CCDC88A: variants seen among roughly 807,000 people sequenced by gnomAD.
CCDC88A encodes the protein coiled-coil and HOOK domain protein 88A, also known as girdin.
A neutral mutation model predicts 234.3 loss-of-function variants in CCDC88A; 54 were observed. The ratio of observed to expected loss-of-function variants is 0.23; its 90% CI spans 0.19 to 0.29. CCDC88A has a LOEUF of 0.29. Ranked by LOEUF, CCDC88A falls within the 10% of genes least tolerant of loss-of-function variation. The probability of loss-of-function intolerance (pLI) is 1.00; values close to 1 mark genes in which losing one functional copy is unlikely to be tolerated. For missense variants in CCDC88A, 1,832 were observed against 2,123.4 expected (o/e 0.86, Z 2.70); for synonymous variants, 753 against 737.8 (o/e 1.02, Z -0.33).
chr2:55,384,817 T>C (rs904867207), intron 3 of CCDC88A, among the ~76,000 whole-genome samples: 9 of 151,544 alleles, frequency 5.9e-5, no homozygotes, highest in Non-Finnish European at 1.3e-4. Context: ...CCACCACACC[T>C]GGCTAATTTT....
rs148595160 is a variant in CCDC88A at position 55,373,249 on chromosome 2, C to T, written c.344-739G>A. Reference sequence around the variant, plus strand: ...TTCCTTCTACTCTCCATGAAACAACCTACTTTCTAGCTATGCTGAGCCATT... The same window carrying T: ...TTCCTTCTACTCTCCATGAAACAACTTACTTTCTAGCTATGCTGAGCCATT... On this transcript the variant is annotated intron_variant, in intron 4 of 32. Transcript: ENST00000436346. Among the ~76,000 whole-genome samples the T allele has an allele frequency of 1.8e-3, 276 of 152,232 alleles. 2 individuals carry two copies. The highest frequency in any genetic ancestry group is 6.3e-3 in the African/African-American group (261 of 41,546).
rs745331016 is a variant in CCDC88A at position 55,322,701 on chromosome 2, T to G, written c.2998-9A>C. 1 of 1,433,896 alleles carries G rather than the reference T, an allele frequency of 7.0e-7. No homozygotes were observed. Among genetic ancestry groups the G allele is most frequent in the South Asian group, 1.4e-5 (1 of 70,342 alleles). 88.8% of individuals were successfully genotyped at this position (1,433,896 alleles called of 1,614,324 possible). On this transcript the variant is annotated splice_polypyrimidine_tract_variant and intron_variant, in intron 17 of 32. Transcript: ENST00000436346. ...TCATAATTTTTTTTCACCTAAAATT[T>G]TATTTAAAATATTTTAATGGGGAGA...
chr2:55,385,021 G>A (rs914340076), intron 3 of CCDC88A, among the ~76,000 whole-genome samples: 4 of 152,092 alleles, frequency 2.6e-5, no homozygotes, highest in Non-Finnish European at 5.9e-5. Flanking sequence ...CTGCTCTGAA[G>A]CAATGCATCC....
In CCDC88A at chr2:55,334,878, A is replaced by AT; in HGVS notation, c.1942dup (p.Ile648AsnfsTer3). ...TTCACAAGTAATTTTTAAATTAGTT[A>AT]TTTTTTTCTGTAATAATTCATTTTC... On this transcript the variant is annotated frameshift_variant, in exon 15 of 33. Transcript: ENST00000436346. LOFTEE classifies it high-confidence loss of function. The surrounding 1 kb of genome is among the most constrained non-coding windows in gnomAD (Gnocchi z 6.1). 6.6e-7 allele frequency: 1 copy of AT among 1,515,830 alleles called. No homozygotes were observed. Among genetic ancestry groups the AT allele is most frequent in the Non-Finnish European group, 9.0e-7 (1 of 1,116,730 alleles). The allele number at this position is 1,515,830 out of a possible 1,614,324, so 93.9% of individuals were successfully genotyped here. A position where few individuals can be genotyped will look rare whatever the true frequency, so the allele number is the denominator to read the frequency against.
intron 23 of CCDC88A, among the ~76,000 whole-genome samples, chr2:55,311,380 C>A (rs1329350116): frequency 6.6e-6 from 1 of 152,170 alleles, no homozygotes; most frequent in Non-Finnish European, 1.5e-5. Context: ...ATGTTCCCTG[C>A]CTGAAATTTT....
At chr2:55,353,854 T>G (rs1670209272) in intron 8 of CCDC88A, among the ~76,000 whole-genome samples, 1 of 152,222 alleles carries the variant, frequency 6.6e-6, no homozygotes, top group Non-Finnish European at 1.5e-5. Context: ...CAAATCTGAA[T>G]GCAGTCATGC....
At chr2:55,368,529 G>A (rs1197184115) in intron 5 of CCDC88A, among the ~76,000 whole-genome samples, 1 of 147,490 alleles carries the variant, frequency 6.8e-6, no homozygotes, top group South Asian at 2.1e-4. Flanking sequence ...TCCTTATGCT[G>A]CCCAGGTTGA....
At chr2:55,402,707 AT>A (rs67789886) in intron 2 of CCDC88A, among the ~76,000 whole-genome samples, 119,739 of 147,464 alleles carry the variant, frequency 0.81, 49,501 homozygotes, top group Admixed American at 0.9. Context: ...TTTTATTACT[AT>A]TTAAAAAAAA....
chr2:55,312,371 G>C, intron 23 of CCDC88A, 63 bp downstream of exon 23: 1 of 1,412,386 alleles, frequency 7.1e-7, no homozygotes. Context: ...CTCTGCCACT[G>C]GGTATGGCAA....
intron 5 of CCDC88A, among the ~76,000 whole-genome samples, chr2:55,366,924 A>G (rs549410487): frequency 3.3e-5 from 5 of 152,344 alleles, no homozygotes; most frequent in Middle Eastern, 3.4e-3. Context: ...AAAGAGCAAT[A>G]AGCAGGGATT....
Position 55,343,796 on chromosome 2 carries a change from T to C in CCDC88A, c.1189-4A>G. On this transcript the variant is annotated splice_region_variant and splice_polypyrimidine_tract_variant and intron_variant, in intron 11 of 32. Coordinates refer to ENST00000436346, the MANE Select transcript of CCDC88A (RefSeq NM_001365480.1). ...TTTTTCTATCCATATCTCGTTCCTT[T>C]TTTATTGGCAAGGATTAGGGAGAGA... 6.2e-7 allele frequency: 1 copy of C among 1,602,786 alleles called. No homozygotes were observed. Among genetic ancestry groups the C allele is most frequent in the Non-Finnish European group, 8.5e-7 (1 of 1,174,512 alleles).
At chr2:55,352,942 A>G (rs1396531773) in intron 8 of CCDC88A, among the ~76,000 whole-genome samples, 1 of 152,178 alleles carries the variant, frequency 6.6e-6, no homozygotes, top group Non-Finnish European at 1.5e-5. Flanking sequence ...ATCTGTCCCA[A>G]TAAAAAGAAC....
Position 55,418,758 on chromosome 2 carries a change from G to C in CCDC88A, c.164+58C>G, listed in dbSNP as rs1681871512. The C allele has an allele frequency of 4.4e-6, 6 of 1,351,330 alleles. No individual in the cohort carries two copies. The East Asian group carries it at 1.4e-4, about 31-fold the overall frequency. The allele number at this position is 1,351,330 out of a possible 1,614,324, so 83.7% of individuals were successfully genotyped here. On this transcript the variant is annotated intron_variant, in intron 2 of 32. Coordinates refer to ENST00000436346, the MANE Select transcript of CCDC88A (RefSeq NM_001365480.1). The stretch of plus-strand genomic sequence containing the variant: ...GGGGCTTAAAACATCGTGTCTCAAA[G>C]TTCACCATATGCTATTTCTCAAAGA...
At chr2:55,296,665 C>T in intron 29 of CCDC88A, 142 bp from the exon 30 acceptor site, 1 of 749,224 alleles carries the variant, frequency 1.3e-6, no homozygotes, top group Non-Finnish European at 2.2e-6. Flanking sequence ...GCTTAGTAAA[C>T]CATGTCAATC....
chr2:55,418,274 T>C (rs902705890), intron 2 of CCDC88A: 1 of 152,722 alleles, frequency 6.5e-6, no homozygotes, highest in East Asian at 1.9e-4. Context: ...CAATAAATCA[T>C]CTCATCAGGC....
chr2:55,401,441 A>AAAAG (rs1678622181), intron 2 of CCDC88A, among the ~76,000 whole-genome samples: 1 of 26,142 alleles, frequency 3.8e-5, no homozygotes, highest in Non-Finnish European at 9.5e-5. Context: ...CTCCAAAAAA[A>AAAAG]AAAAAAATAT....
At chr2:55,362,835 T>C (rs374114911) in intron 6 of CCDC88A, among the ~76,000 whole-genome samples, 2 of 152,132 alleles carry the variant, frequency 1.3e-5, no homozygotes, top group Non-Finnish European at 2.9e-5. Context: ...TTGTAGGATA[T>C]ATGTTATTGC....
intron 2 of CCDC88A, among the ~76,000 whole-genome samples, chr2:55,410,384 T>C (rs1484443769): frequency 6.6e-6 from 1 of 152,216 alleles, no homozygotes; most frequent in Non-Finnish European, 1.5e-5. Context: ...AGATTTTAAA[T>C]TTGAAACTTT....
chr2:55,301,258 G>A lies in CCDC88A; in HGVS notation c.4692C>T (p.Asp1564=). ...VNNKDTTSFE[D]ISPQGVSDDS... ...CATCACTAACACCTTGTGGACTTAT[G>A]TCTTCAAAGGATGTAGTATCTACAT... is the stretch of plus-strand genomic sequence containing the variant. Residue 1564 remains aspartate (D), a synonymous_variant, in exon 28 of 33, where the codon GAC becomes GAT. Transcript: ENST00000436346. 3 of 1,586,048 alleles carry A rather than the reference G, an allele frequency of 1.9e-6. No homozygotes were observed. Among genetic ancestry groups the A allele is most frequent in the African/African-American group, 1.3e-5 (1 of 74,142 alleles).
Sources: allele counts gnomAD v4.1 joint callset (sites outside exome capture counted in the v4.1 genomes callset), GRCh38; gene constraint gnomAD v4.1.1; non-coding constraint Gnocchi (gnomAD v3.1); transcripts MANE v1.5; gene names NCBI Gene and HGNC (gene_info 2026-07-23, HGNC 2026-07-21).